The following LRMDA variants were observed in gnomAD, a reference collection of about 807,000 sequenced individuals.
The protein encoded by LRMDA is leucine rich melanocyte differentiation associated, also known as leucine-rich melanocyte differentiation-associated protein.
LRMDA carries 18 observed loss-of-function variants against 29.8 expected under a neutral mutation model. The observed-to-expected ratio is 0.60, with a 90% CI of 0.42 to 0.90. The LOEUF (loss-of-function observed/expected upper bound fraction) is 0.90. LRMDA is among the 40% of genes least tolerant of loss of function. The probability of loss-of-function intolerance (pLI) is 0.00; values close to 1 mark genes in which losing one functional copy is unlikely to be tolerated. For missense variants in LRMDA, 273 were observed against 273.9 expected (o/e 1.00, Z 0.02); for synonymous variants, 125 against 109.4 (o/e 1.14, Z -0.89).
intron 2 of LRMDA, among the ~76,000 whole-genome samples, chr10:75,553,067 A>G (rs867868332): frequency 6.6e-6 from 1 of 152,156 alleles, no homozygotes; most frequent in East Asian, 1.9e-4. Context: ...TGACTACTTT[A>G]TCTTTTGACC....
intron 2 of LRMDA, among the ~76,000 whole-genome samples, chr10:75,539,523 C>T (rs1030771317): frequency 3.9e-5 from 6 of 152,080 alleles, no homozygotes; most frequent in African/African-American, 1.4e-4. Context: ...TTATAAGCCT[C>T]GGTTTGGTGC....
chr10:76,140,778 A>G (rs1850184139), intron 5 of LRMDA, among the ~76,000 whole-genome samples: 1 of 152,114 alleles, frequency 6.6e-6, no homozygotes, highest in Non-Finnish European at 1.5e-5. Flanking sequence ...CTGAAATTTC[A>G]TTAGCCAGAA....
rs530187487 is a variant in LRMDA, at chr10:75,682,436, T to G, written c.131+243942T>G. Among the ~76,000 whole-genome samples, 94 of 150,562 alleles carry G rather than the reference T, an allele frequency of 6.2e-4. 1 individual carries two copies. The highest frequency in any genetic ancestry group is 2.0e-3 in the African/African-American group (82 of 40,696). ...ACAACCAGAAGAGTGTGTGTGGGGG[T>G]GTGTGTGTGTGTGAGACAGACACAC... On this transcript the variant is annotated intron_variant, in intron 2 of 6. Transcript: ENST00000611255.
chr10:75,625,581 T>C (rs1476502507), intron 2 of LRMDA, among the ~76,000 whole-genome samples: 2 of 152,204 alleles, frequency 1.3e-5, no homozygotes, highest in African/African-American at 2.4e-5. Context: ...GGTGAAAATA[T>C]CTAGTTATTT....
chr10:75,622,563 T>A (rs909389211), intron 2 of LRMDA, among the ~76,000 whole-genome samples: 1 of 152,210 alleles, frequency 6.6e-6, no homozygotes, highest in African/African-American at 2.4e-5. Context: ...AAACAACTGG[T>A]CACTGCATTG....
rs527454523 is a variant in LRMDA at position 76,195,273 on chromosome 10, T to A, written c.517-129128T>A. On this transcript the variant is annotated intron_variant, in intron 5 of 6. Coordinates refer to ENST00000611255, the MANE Select transcript of LRMDA (RefSeq NM_001305581.2). ...TTCTGGTGGGCAGAATGGGGTCTGT[T>A]GGGAAGGTTCCAGCAAAAGGCAACT... Among the ~76,000 whole-genome samples the A allele has an allele frequency of 1.3e-4, 20 of 152,304 alleles. 1 individual carries two copies. The highest frequency in any genetic ancestry group is 3.6e-4 in the African/African-American group (15 of 41,580).
chr10:75,876,548 A>T (rs189827787), intron 2 of LRMDA, among the ~76,000 whole-genome samples: 102 of 152,288 alleles, frequency 6.7e-4, no homozygotes, highest in African/African-American at 2.3e-3. Context: ...TACCTGGTAG[A>T]CTTCTGCATA....
chr10:75,523,107 C>T (rs762569824), intron 2 of LRMDA, among the ~76,000 whole-genome samples: 78 of 152,234 alleles, frequency 5.1e-4, no homozygotes, highest in Non-Finnish European at 1.0e-3. Context: ...ATCATTTGCC[C>T]TCTTTCCTCA....
intron 5 of LRMDA, among the ~76,000 whole-genome samples, chr10:76,122,897 CT>C (rs1437213892): frequency 1.3e-5 from 2 of 152,170 alleles, no homozygotes; most frequent in African/African-American, 4.8e-5. Context: ...AGCCTTTTCT[CT>C]TTAGCTCTAA....
chr10:75,801,210 T>C (rs995966115), intron 2 of LRMDA, among the ~76,000 whole-genome samples: 7 of 152,230 alleles, frequency 4.6e-5, no homozygotes, highest in Admixed American at 1.3e-4. Context: ...CATCTACTGT[T>C]CAGGGATAAG....
chr10:75,548,100 GA>G (rs1382441108), intron 2 of LRMDA, among the ~76,000 whole-genome samples: 3,745 of 133,934 alleles, frequency 0.028, 110 homozygotes, highest in African/African-American at 0.086. Context: ...GCATTTAAAA[GA>G]AAAAAAAAAA....
chr10:76,410,298 CTTTTTTT>C (rs1172213249), intron 6 of LRMDA, among the ~76,000 whole-genome samples: 9 of 66,562 alleles, frequency 1.4e-4, no homozygotes, highest in African/African-American at 4.7e-4. Context: ...CACTTTCTTT[CTTTTTTT>C]TTTTTTTTTT....
At chr10:75,896,841 T>TTG (rs35428137) in intron 2 of LRMDA, among the ~76,000 whole-genome samples, 9,362 of 147,144 alleles carry the variant, frequency 0.064, 573 homozygotes, top group African/African-American at 0.17. Context: ...GAGTGTGCAT[T>TTG]TGTGTGTGTG....
intron 2 of LRMDA, among the ~76,000 whole-genome samples, chr10:75,640,783 A>G (rs574997040): frequency 6.6e-6 from 1 of 150,516 alleles, no homozygotes; most frequent in African/African-American, 2.4e-5. Context: ...TTTTTTTTAA[A>G]CAAAACAAAA....
chr10:76,107,036 T>C (rs1018602701), intron 5 of LRMDA, among the ~76,000 whole-genome samples: 6 of 152,212 alleles, frequency 3.9e-5, no homozygotes, highest in Non-Finnish European at 8.8e-5. Flanking sequence ...ACAGAGCTTA[T>C]TTCAGGCATT....
chr10:75,597,268 A>T (rs561579288), intron 2 of LRMDA, among the ~76,000 whole-genome samples: 1 of 152,222 alleles, frequency 6.6e-6, no homozygotes, highest in African/African-American at 2.4e-5. Flanking sequence ...CCTTGATGTA[A>T]CGTGATCATT....
In LRMDA at chr10:76,491,016, C is replaced by T. The variant is rs186871976; in HGVS notation, c.602-66193C>T. On this transcript the variant is annotated intron_variant, in intron 6 of 6. Coordinates refer to ENST00000611255, the MANE Select transcript of LRMDA (RefSeq NM_001305581.2). ...ATAACTCATCATTTGAAACTGATGA[C>T]AACACTAATTGCATCAACAAACAAA... Among the ~76,000 whole-genome samples, 7 of 151,978 alleles carry T rather than the reference C, an allele frequency of 4.6e-5. No individual in the cohort carries two copies. The East Asian group carries it at 1.2e-3, about 25-fold the overall frequency.
chr10:75,914,293 T>A (rs1234194075), intron 2 of LRMDA, among the ~76,000 whole-genome samples: 1 of 152,240 alleles, frequency 6.6e-6, no homozygotes, highest in Non-Finnish European at 1.5e-5. Context: ...CTAGTTTATG[T>A]TAATGGGTAT....
chr10:76,362,868 G>T (rs1341886052), intron 6 of LRMDA, among the ~76,000 whole-genome samples: 2 of 151,628 alleles, frequency 1.3e-5, no homozygotes, highest in Non-Finnish European at 2.9e-5. Context: ...TACTGTTGTT[G>T]CTTTTATTGA....
Sources: gnomAD v4.1 joint callset for allele counts (sites outside exome capture counted in the v4.1 genomes callset) on GRCh38, gnomAD v4.1.1 for gene constraint, MANE v1.5 for transcripts, NCBI Gene and HGNC (gene_info 2026-07-23, HGNC 2026-07-21) for gene names.